UBE2D2: variants seen among roughly 807,000 people sequenced by gnomAD.
UBE2D2 encodes the protein ubiquitin-conjugating enzyme E2 D2.
A neutral mutation model predicts 24.2 loss-of-function variants in UBE2D2; 2 were observed. That is an observed-to-expected ratio of 0.08 (90% CI 0.03 to 0.26). The LOEUF is 0.26. UBE2D2 is among the 10% of genes least tolerant of loss of function. The probability of loss-of-function intolerance (pLI) is 1.00; values close to 1 mark genes in which losing one functional copy is unlikely to be tolerated. For synonymous variants in UBE2D2, 58 were observed against 56.5 expected, an observed-to-expected ratio of 1.03 and a Z score of -0.12; for missense variants, 44 against 177.6, an observed-to-expected ratio of 0.25 and a Z score of 4.28.
intron 1 of UBE2D2, among the ~76,000 whole-genome samples, chr5:139,566,643 C>G (rs1186649233): frequency 6.6e-6 from 1 of 151,988 alleles, no homozygotes; most frequent in Non-Finnish European, 1.5e-5. Context: ...CCGCTACACT[C>G]CAGCCTATGC....
chr5:139,616,414 A>G (rs980915528), intron 5 of UBE2D2, among the ~76,000 whole-genome samples: 13 of 152,146 alleles, frequency 8.5e-5, no homozygotes, highest in African/African-American at 3.1e-4. Flanking sequence ...TTTTGTGAAA[A>G]TGAAATCAGT....
At chr5:139,576,610 G>C (rs1230479737) in intron 1 of UBE2D2, among the ~76,000 whole-genome samples, 1 of 151,840 alleles carries the variant, frequency 6.6e-6, no homozygotes, top group African/African-American at 2.4e-5. Flanking sequence ...CTCGTGATCT[G>C]CCCGCCTCAG....
intron 1 of UBE2D2, among the ~76,000 whole-genome samples, chr5:139,535,930 T>C (rs1031520820): frequency 6.6e-6 from 1 of 152,020 alleles, no homozygotes; most frequent in East Asian, 1.9e-4. Context: ...TCTCGCTCTG[T>C]TGCCCAGACT....
Position 139,614,962 on chromosome 5 carries a change from A to T in UBE2D2, c.300A>T (p.Ser100=). ...AGTGGTCTCCAGCACTAACTATTTCAAAAGGTAACAGTGGGTATTTGATAT... is the reference window on the plus strand; with the variant it reads ...AGTGGTCTCCAGCACTAACTATTTCTAAAGGTAACAGTGGGTATTTGATAT... The part of the protein sequence containing the change: ...RSQWSPALTI[S]KVLLSICSLL... The change falls in exon 5 of 7, where the codon TCA becomes TCT. Residue 100 remains serine, a synonymous_variant. Transcript: ENST00000398733. 1 of 1,611,148 alleles carries T rather than the reference A, an allele frequency of 6.2e-7. No homozygotes were observed. The highest frequency in any genetic ancestry group is 8.5e-7 in the Non-Finnish European group (1 of 1,178,500).
In UBE2D2 at chr5:139,548,193, A is replaced by AT. The variant is rs1752862435; in HGVS notation, c.-64+21581_-64+21582insT. ...AAAAAAAAAAAAAAAATAAAAAAAA[A>AT]AAATAAATAAATAAATAAATAAACG... On this transcript the variant is annotated intron_variant, in intron 1 of 6. Transcript: ENST00000511725. Among the ~76,000 whole-genome samples, 30 of 47,054 alleles carry AT rather than the reference A, an allele frequency of 6.4e-4. 1 individual carries two copies. Among genetic ancestry groups the AT allele is most frequent in the South Asian group, 2.0e-3 (3 of 1,516 alleles). The allele number at this position is 47,054 out of a possible 152,430, so 30.9% of individuals were successfully genotyped here. A position where few individuals can be genotyped will look rare whatever the true frequency, so the allele number is the denominator to read the frequency against.
chr5:139,563,020 C>T (rs530130525), intron 1 of UBE2D2, among the ~76,000 whole-genome samples: 1 of 152,252 alleles, frequency 6.6e-6, no homozygotes, highest in African/African-American at 2.4e-5. Flanking sequence ...TCAAGCTAGC[C>T]TCCTGTCTCT....
intron 1 of UBE2D2, among the ~76,000 whole-genome samples, chr5:139,598,306 T>TAAGGAAAAAAAA (rs1753999857): frequency 6.6e-6 from 1 of 152,202 alleles, no homozygotes; most frequent in Admixed American, 6.5e-5. Context: ...TCTTAGACTT[T>TAAGGAAAAAAAA]ACTGTTTTTA....
intron 2 of UBE2D2, among the ~76,000 whole-genome samples, chr5:139,608,183 G>A (rs1415185233): frequency 6.6e-6 from 1 of 152,096 alleles, no homozygotes; most frequent in Non-Finnish European, 1.5e-5. Flanking sequence ...TGTAATCCTA[G>A]CACTTTGGGA....
chr5:139,593,471 C>T (rs1486277572), intron 1 of UBE2D2, among the ~76,000 whole-genome samples: 1 of 151,794 alleles, frequency 6.6e-6, no homozygotes, highest in Non-Finnish European at 1.5e-5. Context: ...TTTATATATA[C>T]ATACATATTT....
intron 1 of UBE2D2, among the ~76,000 whole-genome samples, chr5:139,570,148 T>C (rs1323694956): frequency 6.7e-6 from 1 of 150,236 alleles, no homozygotes; most frequent in African/African-American, 2.5e-5. Flanking sequence ...GTGCCTGTAG[T>C]CCTAGCTACT....
chr5:139,565,750 G>C (rs1345988956), intron 1 of UBE2D2, among the ~76,000 whole-genome samples: 1 of 152,088 alleles, frequency 6.6e-6, no homozygotes, highest in Non-Finnish European at 1.5e-5. Context: ...TACAGATGTA[G>C]GAGGCTTTTT....
At chr5:139,557,412 T>A (rs1752994165), upstream of UBE2D2, among the ~76,000 whole-genome samples, 1 of 151,982 alleles carries the variant, frequency 6.6e-6, no homozygotes, top group Non-Finnish European at 1.5e-5. Context: ...TGAACCTTGA[T>A]ATGAAAATTT....
At chr5:139,620,771 G>A (rs990272972) in intron 5 of UBE2D2, among the ~76,000 whole-genome samples, 4 of 152,186 alleles carry the variant, frequency 2.6e-5, no homozygotes, top group Non-Finnish European at 5.9e-5. Context: ...TGTGTTGGGA[G>A]TAAAATGGGC....
intron 1 of UBE2D2, among the ~76,000 whole-genome samples, chr5:139,545,484 T>C (rs1227607131): frequency 2.0e-5 from 3 of 151,348 alleles, no homozygotes; most frequent in Non-Finnish European, 4.4e-5. Context: ...TGGAGCACAA[T>C]GGCATGATCT....
chr5:139,608,450 AGGGTATTCT>A (rs1218497045), intron 2 of UBE2D2, among the ~76,000 whole-genome samples: 7 of 151,972 alleles, frequency 4.6e-5, no homozygotes, highest in Admixed American at 1.3e-4. Flanking sequence ...AAAAAAAAGA[AGGGTATTCT>A]GGGTATTCTG....
rs1352221399 is a variant in UBE2D2, at chr5:139,627,264, T to G, written c.*463T>G. On this transcript the variant is annotated 3_prime_UTR_variant, in exon 7 of 7. Transcript: ENST00000398733. ...GAAGCTGTGTCTGTATTCATTTTAT[T>G]CCGAAGGAGCTACGTCTTAGGTGAA... 1 of 155,186 alleles carries G rather than the reference T, an allele frequency of 6.4e-6. No individual in the cohort carries two copies. Among genetic ancestry groups the G allele is most frequent in the Non-Finnish European group, 1.4e-5 (1 of 69,848 alleles). 9.6% of individuals were successfully genotyped at this position (155,186 alleles called of 1,614,324 possible). A position where few individuals can be genotyped will look rare whatever the true frequency, so the allele number is the denominator to read the frequency against.
upstream of UBE2D2, among the ~76,000 whole-genome samples, chr5:139,559,433 A>G (rs1753025829): frequency 6.6e-6 from 1 of 152,100 alleles, no homozygotes; most frequent in Admixed American, 6.6e-5. Flanking sequence ...CTCAAAAAAA[A>G]AAAAAAAGAA....
At position 139,562,025 on chromosome 5, in the gene UBE2D2, C is replaced by T. The variant is rs185249048; in HGVS notation, c.24+210C>T. The T allele has an allele frequency of 1.9e-3, 1,554 of 820,866 alleles. 24 individuals carry two copies. The African/African-American group carries it at 0.019, about 10-fold the overall frequency. 50.8% of individuals were successfully genotyped at this position (820,866 alleles called of 1,614,324 possible). On this transcript the variant is annotated intron_variant, in intron 1 of 6. Coordinates refer to ENST00000398733, the MANE Select transcript of UBE2D2 (RefSeq NM_003339.3). ...GCTTAGGCCGGAGGTGCTCTCGCGG[C>T]CTCAGCGTTCCTCCCCGGCTGCCCT...
Position 139,625,072 on chromosome 5 carries a change from T to C in UBE2D2, c.398+1611T>C, listed in dbSNP as rs79655811. ...CCCTCTAACCCCCCACTTTTTTTTT[T>C]GCAGAGACAGGGTCTTGTTCTTCAG... On this transcript the variant is annotated intron_variant, in intron 6 of 6. Transcript: ENST00000398733. 2.7e-5 allele frequency among the ~76,000 whole-genome samples: 4 copies of C among 150,888 alleles called. No homozygotes were observed. The East Asian group carries it at 7.9e-4, about 30-fold the overall frequency.
Sources: gnomAD v4.1 joint callset for allele counts (sites outside exome capture counted in the v4.1 genomes callset) on GRCh38, gnomAD v4.1.1 for gene constraint, MANE v1.5 for transcripts, NCBI Gene and HGNC (gene_info 2026-07-23, HGNC 2026-07-21) for gene names.